CA3: variants seen among roughly 807,000 people sequenced by gnomAD.
The protein encoded by CA3 is carbonic anhydrase 3.
CA3 carries 30 observed loss-of-function variants against 35.7 expected under a neutral mutation model. That is an observed-to-expected ratio of 0.84 (90% CI 0.63 to 1.14). CA3 has a LOEUF of 1.14. CA3 is among the 50% of genes most tolerant of loss of function. The probability of loss-of-function intolerance (pLI) is 0.00; values close to 1 mark genes in which losing one functional copy is unlikely to be tolerated. For synonymous variants in CA3, 131 were observed against 130.8 expected, an observed-to-expected ratio of 1.00 and a Z score of -0.01; for missense variants, 295 against 328.5, an observed-to-expected ratio of 0.90 and a Z score of 0.79.
chr8:85,444,170 C>T (rs1200249486), intron 4 of CA3, 44 bp downstream of exon 4: 11 of 1,220,580 alleles, frequency 9.0e-6, no homozygotes, highest in African/African-American at 1.5e-5. Flanking sequence ...AAATGTATTT[C>T]CCTGCCAATG....
rs1811214648 is a variant in CA3, at chr8:85,442,073, T to C, written c.233T>C (p.Met78Thr). The part of the protein sequence containing the change: ...VVFDDTYDRS[M>T]LRGGPLPGPY... ...TTGACCAAGCTTATCTGAATCACAGTGCTGAGAGGGGGTCCTCTCCCTGGA... is the reference window on the plus strand; with the variant it reads ...TTGACCAAGCTTATCTGAATCACAGCGCTGAGAGGGGGTCCTCTCCCTGGA... Residue 78 changes from methionine to threonine, a missense_variant and splice_region_variant, in exon 3 of 7, where the codon ATG (methionine) becomes ACG (threonine). Physicochemically the swap from Met to Thr is moderately conservative, Grantham distance 81 (BLOSUM62 -1). Coordinates refer to ENST00000285381, the MANE Select transcript of CA3 (RefSeq NM_005181.4). The C allele has an allele frequency of 2.8e-6, 4 of 1,407,904 alleles. No homozygotes were observed. The highest frequency in any genetic ancestry group is 4.0e-6 in the Non-Finnish European group (4 of 991,838). The allele number at this position is 1,407,904 out of a possible 1,614,324, so 87.2% of individuals were successfully genotyped here. A position where few individuals can be genotyped will look rare whatever the true frequency, so the allele number is the denominator to read the frequency against.
intron 5 of CA3, 104 bp from the exon 6 acceptor site, chr8:85,446,038 A>T: frequency 9.4e-7 from 1 of 1,061,034 alleles, no homozygotes; most frequent in South Asian, 1.8e-5. Flanking sequence ...TATTTTCTCT[A>T]TTGCATTTGA....
At position 85,446,180 on chromosome 8, in the gene CA3, C is replaced by A; in HGVS notation, c.546C>A (p.Cys182Ter). The A allele has an allele frequency of 6.2e-7, 1 of 1,613,254 alleles. No homozygotes were observed. ...EAPFTKFDPS[C>*]LFPACRDYWT... is the part of the protein sequence containing the mutation. Reference sequence around the variant, plus strand: ...CCTTCACAAAGTTTGACCCATCCTGCCTGTTCCCGGCATGCCGGGACTACT... The same window carrying A: ...CCTTCACAAAGTTTGACCCATCCTGACTGTTCCCGGCATGCCGGGACTACT... Residue 182 changes from cysteine to a stop codon, truncating the protein, a stop_gained, in exon 6 of 7, where the codon TGC (cysteine) becomes TGA (stop). Coordinates refer to ENST00000285381, the MANE Select transcript of CA3 (RefSeq NM_005181.4). LOFTEE classifies it high-confidence loss of function.
At chr8:85,447,224 CTTA>C (rs1318368718) in intron 6 of CA3, among the ~76,000 whole-genome samples, 1 of 150,624 alleles carries the variant, frequency 6.6e-6, no homozygotes, top group Admixed American at 6.6e-5. Context: ...ATGAGAATTT[CTTA>C]TTTTCTTATC....
rs1051560393 is a variant in CA3, at chr8:85,444,139, T to C, written c.444+13T>C. 2 of 1,546,576 alleles carry C rather than the reference T, an allele frequency of 1.3e-6. No homozygotes were observed. Among genetic ancestry groups the C allele is most frequent in the African/African-American group, 1.4e-5 (1 of 73,494 alleles). On this transcript the variant is annotated intron_variant, in intron 4 of 6. Coordinates refer to ENST00000285381, the MANE Select transcript of CA3 (RefSeq NM_005181.4). ...CATTTTTCTGAAGGTAAAGTAAAAA[T>C]TGACTATATATTTTCTTCCAAAATG...
intron 6 of CA3, 58 bp from the exon 7 acceptor site, chr8:85,447,976 C>T (rs920392273): frequency 3.8e-5 from 58 of 1,541,346 alleles, no homozygotes; most frequent in Non-Finnish European, 4.7e-5. Context: ...CTCTTTGTCA[C>T]GTAGTGTGTC....
intron 6 of CA3, among the ~76,000 whole-genome samples, chr8:85,446,612 T>G (rs1182893668): frequency 6.6e-6 from 1 of 152,212 alleles, no homozygotes; most frequent in Non-Finnish European, 1.5e-5. Context: ...TGCCAAATAC[T>G]GAGCACTGGT....
Position 85,446,527 on chromosome 8 carries a change from G to T in CA3, c.663+230G>T, listed in dbSNP as rs569259638. On this transcript the variant is annotated intron_variant, in intron 6 of 6. Transcript: ENST00000285381. ...CTCATTTAAAAGTAGTTTTGATACCGAACATGACTGAGTTTATGCTCTATA... is the reference window on the plus strand; with the variant it reads ...CTCATTTAAAAGTAGTTTTGATACCTAACATGACTGAGTTTATGCTCTATA... Among the ~76,000 whole-genome samples, 9 of 152,110 alleles carry T rather than the reference G, an allele frequency of 5.9e-5. No individual in the cohort carries two copies. In the East Asian group the frequency reaches 1.7e-3, roughly 29 times the overall value.
chr8:85,446,667 C>T (rs1344753755), intron 6 of CA3, among the ~76,000 whole-genome samples: 2 of 152,172 alleles, frequency 1.3e-5, no homozygotes, highest in East Asian at 3.9e-4. Flanking sequence ...GAGAAAGGTG[C>T]TAATGGAAAG....
At chr8:85,446,741 C>A (rs1051316746) in intron 6 of CA3, among the ~76,000 whole-genome samples, 1 of 152,182 alleles carries the variant, frequency 6.6e-6, no homozygotes, top group East Asian at 1.9e-4. Flanking sequence ...ATTCAAGGCT[C>A]AAAAGTTCAG....
chr8:85,444,698 G>T (rs537514133), intron 4 of CA3, among the ~76,000 whole-genome samples: 15 of 152,306 alleles, frequency 9.8e-5, no homozygotes, highest in African/African-American at 3.6e-4. Flanking sequence ...CAAGCCAGAG[G>T]TGAAAATCTG....
chr8:85,442,645 C>T (rs1362254106), intron 3 of CA3, among the ~76,000 whole-genome samples: 2 of 151,936 alleles, frequency 1.3e-5, no homozygotes, highest in Non-Finnish European at 2.9e-5. Context: ...CCTGGGAGGT[C>T]GAGGCTGCAG....
chr8:85,444,926 C>T (rs553699158), intron 4 of CA3, among the ~76,000 whole-genome samples: 35 of 152,184 alleles, frequency 2.3e-4, no homozygotes, highest in African/African-American at 8.2e-4. Context: ...ACTAGATGAA[C>T]GTGTAATTTT....
chr8:85,448,039 C>G lies in CA3; in HGVS notation c.669C>G (p.Ala223=). 6.2e-7 allele frequency: 1 copy of G among 1,610,818 alleles called. No homozygotes were observed. The highest frequency in any genetic ancestry group is 8.5e-7 in the Non-Finnish European group (1 of 1,178,582). ...EPMTVSSDQM[A]KLRSLLSSAE... is the part of the protein sequence containing the mutation. ...TCTGCCCCTGCCCTTTGCAGATGGCCAAGCTGCGGAGCCTCCTCTCCAGTG... is the reference window on the plus strand; with the variant it reads ...TCTGCCCCTGCCCTTTGCAGATGGCGAAGCTGCGGAGCCTCCTCTCCAGTG... Residue 223 remains alanine, a synonymous_variant, in exon 7 of 7, where the codon GCC becomes GCG. Transcript: ENST00000285381.
At chr8:85,440,351 C>G (rs1245102757) in intron 2 of CA3, among the ~76,000 whole-genome samples, 1 of 152,188 alleles carries the variant, frequency 6.6e-6, no homozygotes, top group African/African-American at 2.4e-5. Flanking sequence ...CACTTTCTTC[C>G]CTTGGTGCCT....
Position 85,439,718 on chromosome 8 carries a change from A to C in CA3, c.41A>C (p.Asp14Ala). 2 of 1,613,012 alleles carry C rather than the reference A, an allele frequency of 1.2e-6. No homozygotes were observed. The highest frequency in any genetic ancestry group is 1.7e-6 in the Non-Finnish European group (2 of 1,179,432). The change falls in exon 2 of 7, where the codon GAC becomes GCC. Residue 14 changes from aspartate (D) to alanine (A), a missense_variant. Coordinates refer to ENST00000285381, the MANE Select transcript of CA3 (RefSeq NM_005181.4). ...EWGYASHNGP[D>A]HWHELFPNAK... ...CCTCGACTTTATTTCCTAGGTCCTG[A>C]CCACTGGCATGAACTTTTCCCAAAT...
Position 85,438,882 on chromosome 8 carries a change from G to A in CA3, c.-28G>A. 2 of 1,550,814 alleles carry A rather than the reference G, an allele frequency of 1.3e-6. No homozygotes were observed. The highest frequency in any genetic ancestry group is 1.7e-6 in the Non-Finnish European group (2 of 1,146,934). ...CACCACGCAGGGGAAGAGAAAGCAG[G>A]AGCCGTCCAGCACGGAGGAAGGCGA... On this transcript the variant is annotated 5_prime_UTR_variant, in exon 1 of 7. Transcript: ENST00000285381.
At chr8:85,440,122 G>A (rs748563560) in intron 2 of CA3, among the ~76,000 whole-genome samples, 16 of 152,148 alleles carry the variant, frequency 1.1e-4, no homozygotes, top group South Asian at 2.1e-4. Context: ...CTGTGAAAAC[G>A]GCCCCATGTC....
At chr8:85,443,681 A>G (rs1458305067) in intron 3 of CA3, among the ~76,000 whole-genome samples, 1 of 152,208 alleles carries the variant, frequency 6.6e-6, no homozygotes, top group Non-Finnish European at 1.5e-5. Flanking sequence ...GTCTTGAATA[A>G]AACATTTTTT....
Sources: gnomAD v4.1 joint callset for allele counts (sites outside exome capture counted in the v4.1 genomes callset) on GRCh38, gnomAD v4.1.1 for gene constraint, MANE v1.5 for transcripts, NCBI Gene and HGNC (gene_info 2026-07-23, HGNC 2026-07-21) for gene names.